Variants in CAMK2B observed in about 807,000 individuals in gnomAD.
CAMK2B encodes the protein calcium/calmodulin dependent protein kinase II beta.
In CAMK2B, 27 loss-of-function variants were observed where a neutral mutation model predicts 93.7. That is an observed-to-expected ratio of 0.29 (90% CI 0.21 to 0.40). The LOEUF is 0.40. CAMK2B is among the 10% of genes least tolerant of loss of function. The pLI is 1.00. For synonymous variants in CAMK2B, 374 were observed against 358.8 expected (o/e 1.04, Z -0.48); for missense variants, 568 against 895.8 (o/e 0.63, Z 4.67).
At chr7:44,300,285 T>C (rs1789591003) in intron 1 of CAMK2B, among the ~76,000 whole-genome samples, 1 of 152,028 alleles carries the variant, frequency 6.6e-6, no homozygotes, top group Non-Finnish European at 1.5e-5. Context: ...TTCCTCCCAC[T>C]TCAGCCTCCT....
intron 6 of CAMK2B, 37 bp downstream of exon 6, chr7:44,247,083 C>G (rs371991450): frequency 3.2e-6 from 5 of 1,555,488 alleles, no homozygotes; most frequent in Admixed American, 3.4e-5. Context: ...CAGGTACAGA[C>G]AACAGACACC....
intron 6 of CAMK2B, 70 bp from the exon 7 acceptor site, chr7:44,243,597 G>A (rs2096702889): frequency 1.6e-6 from 2 of 1,281,378 alleles, no homozygotes; most frequent in Admixed American, 1.8e-5. Flanking sequence ...GGTTGGGTGG[G>A]GGGTTACAAA....
At chr7:44,304,108 A>G (rs1387198263) in intron 1 of CAMK2B, among the ~76,000 whole-genome samples, 3 of 152,220 alleles carry the variant, frequency 2.0e-5, no homozygotes, top group African/African-American at 7.2e-5. Context: ...TGATGGTAAG[A>G]ATGTGGAGCA....
Position 44,217,658 on chromosome 7 carries a change from C to T in CAMK2B, c.*1867G>A, listed in dbSNP as rs2096358154. On this transcript the variant is annotated 3_prime_UTR_variant, in exon 24 of 24. Transcript: ENST00000395749. ...GCGTGGACGGAAGATGGTGTCCACT[C>T]TGAGTGTTCATCGGTGGACAGTCCC... is the stretch of plus-strand genomic sequence containing the variant. 1 of 152,326 alleles carries T rather than the reference C, an allele frequency of 6.6e-6. No individual in the cohort carries two copies. The highest frequency in any genetic ancestry group is 6.5e-5 in the Admixed American group (1 of 15,290). The allele number at this position is 152,326 out of a possible 1,614,324, so 9.4% of individuals were successfully genotyped here. A position where few individuals can be genotyped will look rare whatever the true frequency, so the allele number is the denominator to read the frequency against.
intron 2 of CAMK2B, among the ~76,000 whole-genome samples, chr7:44,270,320 G>A (rs936992385): frequency 2.6e-5 from 4 of 152,178 alleles, no homozygotes; most frequent in African/African-American, 4.8e-5. Flanking sequence ...AGCAGTGGCT[G>A]GGGAGGGATG....
chr7:44,243,371 A>C (rs374773382), intron 7 of CAMK2B, 38 bp from the exon 8 acceptor site: 3 of 1,611,070 alleles, frequency 1.9e-6, no homozygotes, highest in Non-Finnish European at 1.7e-6. Context: ...GGCTGTCAGC[A>C]TCACCTCCTG....
intron 1 of CAMK2B, among the ~76,000 whole-genome samples, chr7:44,314,770 G>A (rs182930852): frequency 1.6e-4 from 24 of 152,274 alleles, no homozygotes; most frequent in African/African-American, 5.3e-4. Context: ...CTGTCTTTTC[G>A]ACAGTAGCCA....
At chr7:44,240,067 C>T (rs2096662221) in intron 12 of CAMK2B, among the ~76,000 whole-genome samples, 2 of 152,144 alleles carry the variant, frequency 1.3e-5, no homozygotes, top group South Asian at 2.1e-4. Context: ...CACAGACGCT[C>T]GCACACGGAG....
Position 44,220,051 on chromosome 7 carries a change from A to G in CAMK2B, c.*2+9T>C. The stretch of plus-strand genomic sequence containing the variant: ...CTGCCCCAGCTGTCACTTAGCACAG[A>G]ACACTCACCTTCACTGCAGCGGGGC... On this transcript the variant is annotated intron_variant, in intron 23 of 23. Coordinates refer to ENST00000395749, the MANE Select transcript of CAMK2B (RefSeq NM_001220.5). 1 of 1,561,722 alleles carries G rather than the reference A, an allele frequency of 6.4e-7. No individual in the cohort carries two copies. Among genetic ancestry groups the G allele is most frequent in the South Asian group, 1.2e-5 (1 of 85,960 alleles).
chr7:44,247,298 G>A (rs1197433585), intron 5 of CAMK2B, 106 bp from the exon 6 acceptor site: 2 of 903,846 alleles, frequency 2.2e-6, no homozygotes, highest in Admixed American at 1.9e-5. Context: ...GGACCAGGGG[G>A]ACAAAGCAAG....
chr7:44,298,698 T>C (rs974915883), intron 1 of CAMK2B, among the ~76,000 whole-genome samples: 53 of 152,050 alleles, frequency 3.5e-4, no homozygotes, highest in Non-Finnish European at 5.9e-5. Context: ...AACAAGCCAA[T>C]TCAAAAAATG....
intron 1 of CAMK2B, among the ~76,000 whole-genome samples, chr7:44,293,535 G>A (rs1787433343): frequency 6.6e-6 from 1 of 152,168 alleles, no homozygotes; most frequent in Non-Finnish European, 1.5e-5. Flanking sequence ...ACCAGGGACT[G>A]GTTTTATGGA....
Position 44,286,938 on chromosome 7 carries a change from A to C in CAMK2B, c.66-2713T>G, listed in dbSNP as rs754646237. Among the ~76,000 whole-genome samples the C allele has an allele frequency of 6.6e-5, 10 of 152,148 alleles. No individual in the cohort carries two copies. The highest frequency in any genetic ancestry group is 1.5e-4 in the Non-Finnish European group (10 of 67,986). On this transcript the variant is annotated intron_variant, in intron 1 of 23. Coordinates refer to ENST00000395749, the MANE Select transcript of CAMK2B (RefSeq NM_001220.5). This position sits in a 1 kb window ranked among gnomAD's most constrained non-coding sequence, Gnocchi z 4.0. ...AGGCACAGTGCCAGGCACCCAGCAG[A>C]CACTCAGCAGGAAGGGACCAGGGGT...
intron 3 of CAMK2B, 140 bp downstream of exon 3, chr7:44,262,865 G>A: frequency 2.9e-6 from 2 of 693,796 alleles, no homozygotes; most frequent in Non-Finnish European, 4.8e-6. Context: ...CGTCCTCAGG[G>A]GCTTCTGGTG....
chr7:44,223,443 G>A (rs2096436467), intron 20 of CAMK2B, among the ~76,000 whole-genome samples: 1 of 152,130 alleles, frequency 6.6e-6, no homozygotes, highest in Non-Finnish European at 1.5e-5. Flanking sequence ...TTCCCCTCCA[G>A]TTCCTGCTGC....
intron 20 of CAMK2B, among the ~76,000 whole-genome samples, chr7:44,222,189 C>T (rs2096416685): frequency 6.6e-6 from 1 of 152,204 alleles, no homozygotes; most frequent in Non-Finnish European, 1.5e-5. Context: ...CAGAAGTGCA[C>T]CGGAAGCAGG....
intron 1 of CAMK2B, among the ~76,000 whole-genome samples, chr7:44,295,963 C>T (rs924986104): frequency 6.6e-6 from 1 of 152,154 alleles, no homozygotes; most frequent in Non-Finnish European, 1.5e-5. Flanking sequence ...TATAGGAGTA[C>T]AGAATGCTTC....
intron 1 of CAMK2B, among the ~76,000 whole-genome samples, chr7:44,323,482 G>T (rs1796673720): frequency 6.6e-6 from 1 of 152,246 alleles, no homozygotes; most frequent in South Asian, 2.1e-4. Flanking sequence ...CCATTCCCCA[G>T]TGTGGGTGGC....
chr7:44,219,741 C>G (rs1312123084), intron 23 of CAMK2B: 3 of 429,120 alleles, frequency 7.0e-6, no homozygotes, highest in African/African-American at 6.0e-5. Flanking sequence ...ATCTGGGGCT[C>G]TAACAGTCCT....
Sources: gnomAD v4.1 joint callset for allele counts (sites outside exome capture counted in the v4.1 genomes callset) on GRCh38, gnomAD v4.1.1 for gene constraint, Gnocchi (gnomAD v3.1) non-coding constraint, MANE v1.5 for transcripts, NCBI Gene and HGNC (gene_info 2026-07-23, HGNC 2026-07-21) for gene names.